SPIN1: variants seen among roughly 807,000 people sequenced by gnomAD.
SPIN1 encodes spindlin 1.
A neutral mutation model predicts 26.0 loss-of-function variants in SPIN1; 3 were observed. The observed-to-expected ratio is 0.12, with a 90% CI of 0.05 to 0.30. SPIN1 has a LOEUF of 0.30. SPIN1 is among the 10% of genes least tolerant of loss of function. The probability of loss-of-function intolerance (pLI) is 1.00; values close to 1 mark genes in which losing one functional copy is unlikely to be tolerated. For missense variants in SPIN1, 126 were observed against 333.4 expected, an observed-to-expected ratio of 0.38 and a Z score of 4.84; for synonymous variants, 101 against 116.5, an observed-to-expected ratio of 0.87 and a Z score of 0.86.
intron 1 of SPIN1, chr9:88,418,796 G>A (rs1827617701): frequency 6.6e-6 from 1 of 152,212 alleles, no homozygotes; most frequent in Non-Finnish European, 1.5e-5. Context: ...TCTCGACAAT[G>A]CTAGTTGCAG....
intron 1 of SPIN1, among the ~76,000 whole-genome samples, chr9:88,406,415 C>T (rs1195805070): frequency 4.6e-5 from 7 of 151,862 alleles, no homozygotes; most frequent in South Asian, 2.1e-4. Context: ...CTCAGCCTCC[C>T]CAGTAGCTGG....
intron 1 of SPIN1, among the ~76,000 whole-genome samples, chr9:88,388,973 G>T (rs992537998): frequency 6.9e-6 from 1 of 145,138 alleles, no homozygotes; most frequent in African/African-American, 2.5e-5. Flanking sequence ...CGGGGAGGGG[G>T]AACGTTGCAT....
At chr9:88,409,156 C>T (rs1035887632) in intron 1 of SPIN1, among the ~76,000 whole-genome samples, 23 of 151,388 alleles carry the variant, frequency 1.5e-4, no homozygotes, top group Non-Finnish European at 2.5e-4. Flanking sequence ...CCACCATGCC[C>T]GGCTAATTTT....
Position 88,475,283 on chromosome 9 carries a change from A to G in SPIN1, c.*6A>G, listed in dbSNP as rs1587820545. 6.2e-7 allele frequency: 1 copy of G among 1,609,588 alleles called. No homozygotes were observed. The highest frequency in any genetic ancestry group is 8.5e-7 in the Non-Finnish European group (1 of 1,177,074). The stretch of plus-strand genomic sequence containing the variant: ...ATTTGGTGAAAACATCCTAGATGTC[A>G]TCACAAACTCTGCCAAATTTGTGGA... On this transcript the variant is annotated 3_prime_UTR_variant, in exon 6 of 6. Transcript: ENST00000375859.
intron 1 of SPIN1, among the ~76,000 whole-genome samples, chr9:88,395,797 C>T (rs1003442574): frequency 1.3e-5 from 2 of 151,770 alleles, no homozygotes; most frequent in African/African-American, 4.8e-5. Context: ...ACCTGTAATC[C>T]CAGCACTTTG....
chr9:88,441,358 A>T (rs181656251), intron 2 of SPIN1, among the ~76,000 whole-genome samples: 3 of 134,934 alleles, frequency 2.2e-5, no homozygotes, highest in Non-Finnish European at 4.6e-5. Context: ...TGTATTCCTG[A>T]TTCTCTCTCC....
At position 88,434,274 on chromosome 9, in the gene SPIN1, T is replaced by C. The variant is rs542822964; in HGVS notation, c.52+7683T>C. 9.9e-5 allele frequency among the ~76,000 whole-genome samples: 15 copies of C among 152,022 alleles called. No individual in the cohort carries two copies. In the South Asian group the frequency reaches 2.9e-3, roughly 29 times the overall value. On this transcript the variant is annotated intron_variant, in intron 2 of 5. Coordinates refer to ENST00000375859, the MANE Select transcript of SPIN1 (RefSeq NM_006717.3). ...TTGCATATTATGGTTTAGTATAGTT[T>C]AACTGTTTTAGAGTCAAATAGAATA...
intron 1 of SPIN1, among the ~76,000 whole-genome samples, chr9:88,388,893 G>A (rs1216752082): frequency 2.0e-5 from 3 of 151,092 alleles, no homozygotes; most frequent in African/African-American, 7.3e-5. Flanking sequence ...CGGGCGGGGA[G>A]GCCGGCGGGC....
chr9:88,402,884 G>C lies in SPIN1; in HGVS notation c.-159+14346G>C, dbSNP rs138260106. Among the ~76,000 whole-genome samples, 243 of 152,176 alleles carry C rather than the reference G, an allele frequency of 1.6e-3. 2 individuals are homozygous for C. The highest frequency in any genetic ancestry group is 5.4e-3 in the African/African-American group (226 of 41,544). On this transcript the variant is annotated intron_variant, in intron 1 of 5. Coordinates refer to ENST00000375859, the MANE Select transcript of SPIN1 (RefSeq NM_006717.3). ...ATTTTTAGTGTTTTGAGAAATCTCCGTACTGTTTTTCATAATGGCTTTACT... is the reference window on the plus strand; with the variant it reads ...ATTTTTAGTGTTTTGAGAAATCTCCCTACTGTTTTTCATAATGGCTTTACT...
intron 1 of SPIN1, among the ~76,000 whole-genome samples, chr9:88,392,149 TCTC>T (rs1318993429): frequency 1.3e-5 from 2 of 152,208 alleles, no homozygotes; most frequent in South Asian, 2.1e-4. Flanking sequence ...TTGATTTCCT[TCTC>T]CTTTCTACTT....
At chr9:88,463,073 AATCTC>A (rs1410290824) in intron 4 of SPIN1, among the ~76,000 whole-genome samples, 1 of 152,204 alleles carries the variant, frequency 6.6e-6, no homozygotes, top group Non-Finnish European at 1.5e-5. Flanking sequence ...CCTATATGTT[AATCTC>A]ATCTCATCAG....
At chr9:88,467,845 T>TAAAAA (rs755421414) in intron 4 of SPIN1, among the ~76,000 whole-genome samples, 1 of 132,344 alleles carries the variant, frequency 7.6e-6, no homozygotes, top group African/African-American at 2.8e-5. Flanking sequence ...CCAATTTCTT[T>TAAAAA]AAAAAAAAAA....
chr9:88,475,468 C>G lies in SPIN1; in HGVS notation c.*191C>G, dbSNP rs187369988. 639 of 470,070 alleles carry G rather than the reference C, an allele frequency of 1.4e-3. 2 individuals carry two copies. Among genetic ancestry groups the G allele is most frequent in the Non-Finnish European group, 1.9e-3 (536 of 276,874 alleles). The allele number at this position is 470,070 out of a possible 1,614,324, so 29.1% of individuals were successfully genotyped here. On this transcript the variant is annotated 3_prime_UTR_variant, in exon 6 of 6. Transcript: ENST00000375859. ...CACAAAGCATTTTGTGTAAGGAGAA[C>G]CCCTTTCTTTTAAAAGAAGTCTGTC...
chr9:88,475,049 T>C (rs55947357), intron 5 of SPIN1, 29 bp from the exon 6 acceptor site: 3,099 of 279,394 alleles, frequency 0.011, 13 homozygotes, highest in African/African-American at 0.091. Flanking sequence ...CTCTCTCTCT[T>C]TTTTTTTTTT....
At chr9:88,403,727 AAAAAG>A (rs1827236102) in intron 1 of SPIN1, among the ~76,000 whole-genome samples, 1 of 152,188 alleles carries the variant, frequency 6.6e-6, no homozygotes, top group Non-Finnish European at 1.5e-5. Flanking sequence ...GCGGGGGAAA[AAAAAG>A]AAAACCACTA....
chr9:88,394,010 G>C (rs1587768236), intron 1 of SPIN1, among the ~76,000 whole-genome samples: 2 of 151,996 alleles, frequency 1.3e-5, no homozygotes, highest in African/African-American at 2.4e-5. Flanking sequence ...ACCATGCCTG[G>C]CAAATTTTTT....
intron 3 of SPIN1, 79 bp from the exon 4 acceptor site, chr9:88,462,417 T>G: frequency 6.5e-7 from 1 of 1,542,366 alleles, no homozygotes; most frequent in Non-Finnish European, 8.8e-7. Context: ...AATGAGATCA[T>G]GCTAGCCAGC....
At chr9:88,470,445 G>A (rs974311208) in intron 5 of SPIN1, among the ~76,000 whole-genome samples, 1 of 152,154 alleles carries the variant, frequency 6.6e-6, no homozygotes, top group African/African-American at 2.4e-5. Flanking sequence ...CAGTGTATGA[G>A]ACTTCTGATT....
Position 88,415,897 on chromosome 9 carries a change from C to T in SPIN1, c.-158-10485C>T, listed in dbSNP as rs551589024. ...TACCTGGGACTACAGGCGCCAGCCA[C>T]CATGCTCGGCTAATTTTTTTTTTTT... On this transcript the variant is annotated intron_variant, in intron 1 of 5. Transcript: ENST00000375859. 9.8e-4 allele frequency among the ~76,000 whole-genome samples: 148 copies of T among 150,932 alleles called. 1 individual carries two copies. Among genetic ancestry groups the T allele is most frequent in the African/African-American group, 3.5e-3 (142 of 40,600 alleles).
Sources: allele counts gnomAD v4.1 joint callset (sites outside exome capture counted in the v4.1 genomes callset), GRCh38; gene constraint gnomAD v4.1.1; transcripts MANE v1.5; gene names NCBI Gene and HGNC (gene_info 2026-07-23, HGNC 2026-07-21).